Variants in NCKAP5 observed in about 807,000 individuals in gnomAD.
NCKAP5 encodes NCK associated protein 5, also known as nck-associated protein 5.
In NCKAP5, 92 loss-of-function variants were observed where a neutral mutation model predicts 167.0. The observed-to-expected ratio is 0.55, with a 90% CI of 0.47 to 0.66. The LOEUF (loss-of-function observed/expected upper bound fraction) is 0.66. NCKAP5 is among the 30% of genes least tolerant of loss of function. The pLI is 0.00. For synonymous variants in NCKAP5, 891 were observed against 877.4 expected (o/e 1.02, Z -0.27); for missense variants, 2,378 against 2,315.0 (o/e 1.03, Z -0.56).
rs144154711 is a variant in NCKAP5, at chr2:132,715,161, C to T, written c.5713+10466G>A. Among the ~76,000 whole-genome samples, 928 of 152,258 alleles carry T rather than the reference C, an allele frequency of 6.1e-3. 15 individuals are homozygous for T. The highest frequency in any genetic ancestry group is 0.021 in the African/African-American group (882 of 41,522). The stretch of plus-strand genomic sequence containing the variant: ...AATTAGAATATATCTGTTCTTCTTC[C>T]CCCGATACCTGAAAAGACTGCACCT... On this transcript the variant is annotated intron_variant, in intron 19 of 19. Coordinates refer to ENST00000409261, the MANE Select transcript of NCKAP5 (RefSeq NM_207363.3).
chr2:133,468,913 T>A (rs559060218), intron 3 of NCKAP5, among the ~76,000 whole-genome samples: 1 of 152,346 alleles, frequency 6.6e-6, no homozygotes, highest in South Asian at 2.1e-4. Context: ...TCTCTGAACG[T>A]AAGATGGGTT....
intron 3 of NCKAP5, among the ~76,000 whole-genome samples, chr2:133,413,248 G>A (rs538440019): frequency 1.3e-5 from 2 of 152,214 alleles, no homozygotes; most frequent in Non-Finnish European, 2.9e-5. Context: ...GAAGTATTAG[G>A]AGAGGTCAAT....
chr2:133,579,877 C>T, the NCKAP5 span, among the ~76,000 whole-genome samples: 1 of 152,198 alleles, frequency 6.6e-6, no homozygotes, highest in Non-Finnish European at 1.5e-5. Context: ...GTACCTTTCT[C>T]TCCCCATTAT....
At chr2:133,161,453 C>A (rs980323610) in intron 5 of NCKAP5, among the ~76,000 whole-genome samples, 1 of 152,156 alleles carries the variant, frequency 6.6e-6, no homozygotes, top group Admixed American at 6.5e-5. Flanking sequence ...AGACTTTGTC[C>A]CATAGAAATA....
At chr2:133,502,195 G>C (rs1682579648) in intron 3 of NCKAP5, among the ~76,000 whole-genome samples, 1 of 152,212 alleles carries the variant, frequency 6.6e-6, no homozygotes, top group African/African-American at 2.4e-5. Flanking sequence ...GTTTATATGT[G>C]CCTCTACTCA....
At chr2:133,352,628 G>A (rs746595646) in intron 3 of NCKAP5, among the ~76,000 whole-genome samples, 36 of 152,334 alleles carry the variant, frequency 2.4e-4, no homozygotes, top group South Asian at 1.4e-3. Flanking sequence ...GAGTGGCTGA[G>A]TGTAGTGGAG....
At chr2:133,235,058 C>G (rs1204978714) in intron 4 of NCKAP5, among the ~76,000 whole-genome samples, 2 of 151,344 alleles carry the variant, frequency 1.3e-5, no homozygotes, top group Non-Finnish European at 3.0e-5. Context: ...TCTCATGGAA[C>G]TGAAGCTACT....
At chr2:133,579,193 T>C in the NCKAP5 span, among the ~76,000 whole-genome samples, 14 of 152,326 alleles carry the variant, frequency 9.2e-5, no homozygotes, top group African/African-American at 3.1e-4. Context: ...CTGAGGCACA[T>C]ACAGGTTGAG....
intron 3 of NCKAP5, among the ~76,000 whole-genome samples, chr2:133,406,518 C>T (rs1014739084): frequency 6.9e-6 from 1 of 145,016 alleles, no homozygotes; most frequent in Non-Finnish European, 1.5e-5. Flanking sequence ...AAGGCTGGAC[C>T]TGCCTCATTC....
At chr2:133,392,655 T>C (rs1195589231) in intron 3 of NCKAP5, among the ~76,000 whole-genome samples, 1 of 152,178 alleles carries the variant, frequency 6.6e-6, no homozygotes, top group African/African-American at 2.4e-5. Context: ...AATAAATAAA[T>C]GGAGACATAG....
At chr2:132,967,192 CACACACACAT>C (rs1357925620) in intron 7 of NCKAP5, among the ~76,000 whole-genome samples, 16 of 149,744 alleles carry the variant, frequency 1.1e-4, no homozygotes, top group African/African-American at 4.0e-4. Flanking sequence ...CACACACACA[CACACACACAT>C]ACACACACAC....
chr2:133,247,376 G>A (rs2088053416), intron 4 of NCKAP5, among the ~76,000 whole-genome samples: 1 of 152,088 alleles, frequency 6.6e-6, no homozygotes, highest in African/African-American at 2.4e-5. Context: ...TTTATTCTAT[G>A]TTAATTTCCT....
intron 2 of NCKAP5, among the ~76,000 whole-genome samples, chr2:133,526,309 G>A (rs1355509811): frequency 1.4e-5 from 1 of 69,384 alleles, no homozygotes; most frequent in Non-Finnish European, 2.7e-5. Context: ...GGGAGGGAGG[G>A]AAGGAGGGAG....
chr2:132,813,780 C>G (rs948458265), intron 11 of NCKAP5, among the ~76,000 whole-genome samples: 2 of 151,574 alleles, frequency 1.3e-5, no homozygotes, highest in African/African-American at 4.8e-5. Flanking sequence ...TTTGGAGAAC[C>G]AAAAAAAATT....
chr2:133,084,910 T>C (rs1047323960), intron 6 of NCKAP5, among the ~76,000 whole-genome samples: 2 of 152,186 alleles, frequency 1.3e-5, no homozygotes, highest in African/African-American at 4.8e-5. Context: ...TAAATCCAAA[T>C]ATGATCTTGC....
intron 4 of NCKAP5, among the ~76,000 whole-genome samples, chr2:133,215,750 G>A (rs1380573129): frequency 6.6e-6 from 1 of 152,064 alleles, no homozygotes; most frequent in African/African-American, 2.4e-5. Flanking sequence ...TTTATATAAA[G>A]TGCAAATAGA....
At chr2:133,640,281 A>G in the NCKAP5 span, among the ~76,000 whole-genome samples, 16 of 152,198 alleles carry the variant, frequency 1.1e-4, no homozygotes, top group Non-Finnish European at 1.6e-4. Flanking sequence ...GTTTTAAATG[A>G]ATGGATATGA....
chr2:133,402,815 C>T (rs963190041), intron 3 of NCKAP5, among the ~76,000 whole-genome samples: 1 of 152,156 alleles, frequency 6.6e-6, no homozygotes, highest in African/African-American at 2.4e-5. Flanking sequence ...GCCCGCAGAA[C>T]TGTAAGCCAA....
chr2:133,186,742 G>C (rs997054623), intron 5 of NCKAP5, among the ~76,000 whole-genome samples: 1 of 151,972 alleles, frequency 6.6e-6, no homozygotes, highest in Non-Finnish European at 1.5e-5. Context: ...TGTGCAGAGA[G>C]GTTTTCACAA....
Sources: gnomAD v4.1 joint callset for allele counts (sites outside exome capture counted in the v4.1 genomes callset) on GRCh38, gnomAD v4.1.1 for gene constraint, MANE v1.5 for transcripts, NCBI Gene and HGNC (gene_info 2026-07-23, HGNC 2026-07-21) for gene names.